CEP112: variants seen among roughly 807,000 people sequenced by gnomAD.
CEP112 encodes centrosomal protein 112, also known as centrosomal protein of 112 kDa.
Under a neutral mutation model 153.0 loss-of-function variants are expected in CEP112, and 127 were observed. The ratio of observed to expected loss-of-function variants is 0.83; its 90% CI spans 0.72 to 0.96. CEP112 has a LOEUF of 0.96. Ranked by LOEUF, CEP112 falls within the 40% of genes least tolerant of loss-of-function variation. The pLI, the probability that CEP112 is intolerant of heterozygous loss-of-function variation, is 0.00. For missense variants in CEP112, 1,089 were observed against 1,101.2 expected (o/e 0.99, Z 0.16); for synonymous variants, 358 against 374.4 (o/e 0.96, Z 0.51).
chr17:65,936,392 G>A (rs1228557619), intron 18 of CEP112, among the ~76,000 whole-genome samples: 1 of 152,138 alleles, frequency 6.6e-6, no homozygotes, highest in Non-Finnish European at 1.5e-5. Flanking sequence ...AAAAACTGAA[G>A]TAGAGGGAAT....
intron 17 of CEP112, 129 bp downstream of exon 17, chr17:66,005,561 G>A: frequency 1.8e-6 from 2 of 1,139,772 alleles, no homozygotes; most frequent in Non-Finnish European, 2.3e-6. Context: ...ATTTGTGATG[G>A]GAAACTGATG....
chr17:66,188,509 C>G (rs2073035448), intron 1 of CEP112, among the ~76,000 whole-genome samples: 1 of 151,648 alleles, frequency 6.6e-6, no homozygotes, highest in Admixed American at 6.6e-5. Context: ...AAGCTGGCCC[C>G]CCCTTGCCCT....
intron 12 of CEP112, among the ~76,000 whole-genome samples, chr17:66,030,405 G>A (rs187784448): frequency 1.0e-3 from 157 of 152,138 alleles, no homozygotes; most frequent in African/African-American, 3.6e-3. Context: ...TGATCTTTGC[G>A]TTTGATTTTA....
At chr17:65,950,709 T>C (rs2061799343) in intron 18 of CEP112, among the ~76,000 whole-genome samples, 1 of 151,314 alleles carries the variant, frequency 6.6e-6, no homozygotes, top group African/African-American at 2.4e-5. Flanking sequence ...CTAGTAGTAG[T>C]AGTAGTAGTA....
intron 18 of CEP112, among the ~76,000 whole-genome samples, chr17:65,928,165 C>T (rs1448188397): frequency 1.3e-5 from 2 of 152,152 alleles, no homozygotes; most frequent in African/African-American, 4.8e-5. Flanking sequence ...GGCCAAAAAG[C>T]ATTTGAAAAG....
At chr17:65,820,821 T>C (rs1240766006) in intron 21 of CEP112, among the ~76,000 whole-genome samples, 2 of 152,060 alleles carry the variant, frequency 1.3e-5, no homozygotes, top group African/African-American at 4.8e-5. Context: ...CTGTTAGAAT[T>C]CCGCATTCAA....
At chr17:65,712,254 A>C (rs2049231383) in intron 23 of CEP112, among the ~76,000 whole-genome samples, 1 of 152,226 alleles carries the variant, frequency 6.6e-6, no homozygotes, top group Non-Finnish European at 1.5e-5. Flanking sequence ...AAATCAGAGT[A>C]TGAAATTAAT....
At chr17:65,928,065 C>T (rs1174077856) in intron 18 of CEP112, among the ~76,000 whole-genome samples, 1 of 152,088 alleles carries the variant, frequency 6.6e-6, no homozygotes, top group African/African-American at 2.4e-5. Flanking sequence ...ATAAAGAACT[C>T]TTATAGCCCA....
chr17:66,035,008 A>G (rs76994676), intron 12 of CEP112, among the ~76,000 whole-genome samples: 1 of 72,350 alleles, frequency 1.4e-5, no homozygotes, highest in Non-Finnish European at 2.7e-5. Flanking sequence ...ATATATATAT[A>G]TTTTTTTTTT....
intron 21 of CEP112, among the ~76,000 whole-genome samples, chr17:65,827,382 T>G (rs1598711627): frequency 6.6e-6 from 1 of 152,302 alleles, no homozygotes; most frequent in Non-Finnish European, 1.5e-5. Context: ...ACTTTCTGGC[T>G]CTCATGACCC....
chr17:66,118,193 G>A (rs1953400622), intron 6 of CEP112, among the ~76,000 whole-genome samples: 1 of 152,102 alleles, frequency 6.6e-6, no homozygotes, highest in South Asian at 2.1e-4. Context: ...TCAGTATATG[G>A]AAGAGATATC....
In CEP112 at chr17:65,880,077, G is replaced by A. The variant is rs558381307; in HGVS notation, c.2163+22075C>T. ...TTAGATTTATTTCTGGGAACCTTGT[G>A]GTTTTGTGCTATTGTAAACGGTATT... On this transcript the variant is annotated intron_variant, in intron 20 of 26. Coordinates refer to ENST00000535342, the MANE Select transcript of CEP112 (RefSeq NM_001199165.4). Among the ~76,000 whole-genome samples, 20 of 148,192 alleles carry A rather than the reference G, an allele frequency of 1.3e-4. No individual in the cohort carries two copies. The South Asian group carries it at 4.3e-3, about 32-fold the overall frequency.
At chr17:65,776,424 T>A (rs2053682312) in intron 21 of CEP112, among the ~76,000 whole-genome samples, 1 of 152,162 alleles carries the variant, frequency 6.6e-6, no homozygotes, top group South Asian at 2.1e-4. Flanking sequence ...TTAGTAGAGA[T>A]GGATGTTAGC....
chr17:65,759,297 A>G (rs1009271825), intron 21 of CEP112, among the ~76,000 whole-genome samples: 8 of 152,162 alleles, frequency 5.3e-5, no homozygotes, highest in African/African-American at 1.9e-4. Flanking sequence ...CCATTCTTTT[A>G]TTCTTCTATT....
rs561243742 is a variant in CEP112, at chr17:66,066,167, A to T, written c.955+611T>A. 1.4e-4 allele frequency among the ~76,000 whole-genome samples: 22 copies of T among 152,302 alleles called. No homozygotes were observed. In the South Asian group the frequency reaches 4.4e-3, roughly 30 times the overall value. Reference sequence around the variant, plus strand: ...GATGTTTCGACCCATAATCATAGTCAACTACGGTCAGAGTTAGCTCAAGTG... The same window carrying T: ...GATGTTTCGACCCATAATCATAGTCTACTACGGTCAGAGTTAGCTCAAGTG... On this transcript the variant is annotated intron_variant, in intron 10 of 26. Transcript: ENST00000535342.
chr17:66,131,480 G>A (rs930089024), intron 5 of CEP112, among the ~76,000 whole-genome samples: 1 of 152,146 alleles, frequency 6.6e-6, no homozygotes, highest in African/African-American at 2.4e-5. Context: ...AGTGGCTCAC[G>A]CCTGTCATCC....
chr17:65,779,411 A>T (rs184419464), intron 21 of CEP112, among the ~76,000 whole-genome samples: 1 of 152,326 alleles, frequency 6.6e-6, no homozygotes, highest in Non-Finnish European at 1.5e-5. Flanking sequence ...AGGTATGAAT[A>T]AGATTGTTCT....
Position 66,057,795 on chromosome 17 carries a change from ACAG to A in CEP112, c.1075-3919_1075-3917del, listed in dbSNP as rs1568441816. On this transcript the variant is annotated intron_variant, in intron 11 of 26. Coordinates refer to ENST00000535342, the MANE Select transcript of CEP112 (RefSeq NM_001199165.4). ...CACACACACACACACACACACACAC[ACAG>A]CCTTCAGTGAGGGGGCAGGTACAGT... 4.0e-3 allele frequency among the ~76,000 whole-genome samples: 542 copies of A among 137,116 alleles called. 1 individual carries two copies. Among genetic ancestry groups the A allele is most frequent in the African/African-American group, 0.014 (504 of 34,964 alleles). The allele number at this position is 137,116 out of a possible 152,430, so 90.0% of individuals were successfully genotyped here.
At chr17:66,013,390 T>C (rs2145540423) in intron 16 of CEP112, among the ~76,000 whole-genome samples, 1 of 152,138 alleles carries the variant, frequency 6.6e-6, no homozygotes, top group Non-Finnish European at 1.5e-5. Context: ...ATGGTGGGGT[T>C]TTTGTTTTGT....
Sources: allele counts gnomAD v4.1 joint callset (sites outside exome capture counted in the v4.1 genomes callset), GRCh38; gene constraint gnomAD v4.1.1; transcripts MANE v1.5; gene names NCBI Gene and HGNC (gene_info 2026-07-23, HGNC 2026-07-21).